ACBD6: variants seen among roughly 807,000 people sequenced by gnomAD.
ACBD6 encodes acyl-CoA-binding domain-containing protein 6.
In ACBD6, 28 loss-of-function variants were observed where a neutral mutation model predicts 37.2. The observed-to-expected ratio is 0.75, with a 90% CI of 0.56 to 1.03. ACBD6 has a LOEUF of 1.03. ACBD6 is among the 50% of genes least tolerant of loss of function. The pLI is 0.00. For missense variants in ACBD6, 340 were observed against 337.4 expected (o/e 1.01, Z -0.06); for synonymous variants, 113 against 126.8 (o/e 0.89, Z 0.73).
chr1:180,497,841 T>C (rs1338714983), intron 1 of ACBD6, among the ~76,000 whole-genome samples: 1 of 152,214 alleles, frequency 6.6e-6, no homozygotes, highest in Non-Finnish European at 1.5e-5. Flanking sequence ...GCAGATATGT[T>C]GTTAGAAAGA....
intron 7 of ACBD6, among the ~76,000 whole-genome samples, chr1:180,305,632 A>C (rs1294720950): frequency 6.6e-6 from 1 of 152,086 alleles, no homozygotes; most frequent in Non-Finnish European, 1.5e-5. Flanking sequence ...GGAGAAATAG[A>C]AACACTTTTA....
rs561903935 is a variant in ACBD6 at position 180,337,348 on chromosome 1, C to T, written c.664-22626G>A. Reference sequence around the variant, plus strand: ...TCCCTGGGATGCAAGGCTGGTTCAACATACAAAAATCAATAAACGTAATCC... The same window carrying T: ...TCCCTGGGATGCAAGGCTGGTTCAATATACAAAAATCAATAAACGTAATCC... On this transcript the variant is annotated intron_variant, in intron 6 of 7. Transcript: ENST00000367595. Among the ~76,000 whole-genome samples the T allele has an allele frequency of 2.6e-3, 394 of 152,192 alleles. 1 individual carries two copies. Among genetic ancestry groups the T allele is most frequent in the African/African-American group, 9.3e-3 (384 of 41,508 alleles).
rs1571515558 is a variant in ACBD6 at position 180,441,214 on chromosome 1, T to C, written c.385-10952A>G. Among the ~76,000 whole-genome samples the C allele has an allele frequency of 2.0e-5, 3 of 152,328 alleles. No homozygotes were observed. In the South Asian group the frequency reaches 6.2e-4, roughly 32 times the overall value. On this transcript the variant is annotated intron_variant, in intron 3 of 7. Coordinates refer to ENST00000367595, the MANE Select transcript of ACBD6 (RefSeq NM_032360.4). ...CCTGCCAAAACTTGTTATTATCTTT[T>C]TTATTGCGGACACCCTACTGGGTAT... is the stretch of plus-strand genomic sequence containing the variant.
intron 6 of ACBD6, among the ~76,000 whole-genome samples, chr1:180,375,784 G>T (rs369942923): frequency 6.6e-6 from 1 of 152,034 alleles, no homozygotes; most frequent in Admixed American, 6.6e-5. Context: ...TCTTGAAAAG[G>T]CTTTTAATTA....
At chr1:180,393,483 A>G (rs1249898096) in intron 6 of ACBD6, among the ~76,000 whole-genome samples, 2 of 152,234 alleles carry the variant, frequency 1.3e-5, no homozygotes, top group Non-Finnish European at 1.5e-5. Flanking sequence ...ATCTGTGGCC[A>G]AGCAAATACT....
chr1:180,454,266 C>A (rs570361655), intron 3 of ACBD6, among the ~76,000 whole-genome samples: 11 of 152,222 alleles, frequency 7.2e-5, no homozygotes, highest in African/African-American at 2.6e-4. Flanking sequence ...CAAAAACAAG[C>A]AATGGGGAAA....
In ACBD6 at chr1:180,274,330, T is replaced by C. The variant is rs146655496; in HGVS notation, c.*937-218A>G. Reference sequence around the variant, plus strand: ...AGGACTTGAGGGATGGGAGCCCCTATGGAATCCCCCAGTCTCCATCCTCCA... The same window carrying C: ...AGGACTTGAGGGATGGGAGCCCCTACGGAATCCCCCAGTCTCCATCCTCCA... On this transcript the variant is annotated intron_variant, in intron 10 of 13. Transcript: ENST00000642319. 3,591 of 1,614,216 alleles carry C rather than the reference T, an allele frequency of 2.2e-3. 11 individuals carry two copies. The highest frequency in any genetic ancestry group is 2.8e-3 in the Non-Finnish European group (3,304 of 1,180,036).
At chr1:180,314,344 A>T (rs1466659809) in intron 7 of ACBD6, among the ~76,000 whole-genome samples, 1 of 152,088 alleles carries the variant, frequency 6.6e-6, no homozygotes, top group Non-Finnish European at 1.5e-5. Flanking sequence ...TCCCAGATTC[A>T]AGCGATTCTC....
intron 6 of ACBD6, among the ~76,000 whole-genome samples, chr1:180,396,693 T>C (rs1045843182): frequency 6.6e-6 from 1 of 152,166 alleles, no homozygotes; most frequent in Non-Finnish European, 1.5e-5. Flanking sequence ...GAAAAGGTAC[T>C]CCATATCATT....
intron 5 of ACBD6, among the ~76,000 whole-genome samples, chr1:180,407,834 G>A (rs1441828447): frequency 1.3e-5 from 2 of 152,160 alleles, no homozygotes; most frequent in African/African-American, 4.8e-5. Context: ...ATTGTATAAA[G>A]TATTATGTGT....
intron 6 of ACBD6, among the ~76,000 whole-genome samples, chr1:180,387,834 G>A (rs1187009967): frequency 1.3e-5 from 2 of 152,028 alleles, no homozygotes; most frequent in African/African-American, 4.8e-5. Flanking sequence ...GTATTTCTGG[G>A]TTGTGGGCTT....
chr1:180,357,892 G>C (rs959013744), intron 6 of ACBD6, among the ~76,000 whole-genome samples: 1 of 152,062 alleles, frequency 6.6e-6, no homozygotes, highest in Admixed American at 6.6e-5. Flanking sequence ...GTAATTCTTT[G>C]GTCGTTCATA....
intron 3 of ACBD6, among the ~76,000 whole-genome samples, chr1:180,441,988 C>G (rs1290051579): frequency 6.6e-6 from 1 of 152,006 alleles, no homozygotes; most frequent in Non-Finnish European, 1.5e-5. Flanking sequence ...TCATAAATAC[C>G]CATTATGTTA....
intron 5 of ACBD6, among the ~76,000 whole-genome samples, 192 bp downstream of exon 5, chr1:180,413,174 C>T (rs1409150605): frequency 2.0e-5 from 3 of 152,164 alleles, no homozygotes; most frequent in Non-Finnish European, 4.4e-5. Flanking sequence ...TTCTAAAACA[C>T]AGATAAAAAT....
intron 7 of ACBD6, among the ~76,000 whole-genome samples, chr1:180,300,634 G>A (rs950257871): frequency 2.6e-5 from 4 of 152,046 alleles, no homozygotes; most frequent in Non-Finnish European, 4.4e-5. Flanking sequence ...TAACATATAT[G>A]TCATTTGTTT....
At chr1:180,342,015 T>A (rs553562536) in intron 6 of ACBD6, among the ~76,000 whole-genome samples, 51 of 152,312 alleles carry the variant, frequency 3.3e-4, no homozygotes, top group Admixed American at 1.7e-3. Flanking sequence ...GCTGTGTTCC[T>A]CAGATCACCA....
At chr1:180,399,817 C>T (rs1284990807) in intron 5 of ACBD6, among the ~76,000 whole-genome samples, 1 of 152,168 alleles carries the variant, frequency 6.6e-6, no homozygotes, top group African/African-American at 2.4e-5. Context: ...TTAAAAGAAT[C>T]AGACAAAATT....
At chr1:180,473,264 G>A (rs1020082285) in intron 3 of ACBD6, among the ~76,000 whole-genome samples, 1 of 151,824 alleles carries the variant, frequency 6.6e-6, no homozygotes, top group Non-Finnish European at 1.5e-5. Flanking sequence ...TGGCTAAAAC[G>A]GTGAAACCCT....
chr1:180,473,461 A>C (rs1421251018), intron 3 of ACBD6, among the ~76,000 whole-genome samples: 2 of 152,034 alleles, frequency 1.3e-5, no homozygotes, highest in East Asian at 1.9e-4. Context: ...AAAAAAAAAA[A>C]AAAACTTTTA....
Sources: allele counts gnomAD v4.1 joint callset (sites outside exome capture counted in the v4.1 genomes callset), GRCh38; gene constraint gnomAD v4.1.1; transcripts MANE v1.5; gene names NCBI Gene and HGNC (gene_info 2026-07-23, HGNC 2026-07-21).